The following C6orf163 variants were observed in gnomAD, a reference collection of about 807,000 sequenced individuals.
C6orf163 encodes the protein chromosome 6 open reading frame 163.
Under a neutral mutation model 28.4 loss-of-function variants are expected in C6orf163, and 22 were observed. The ratio of observed to expected loss-of-function variants is 0.78; its 90% CI spans 0.55 to 1.11. C6orf163 has a LOEUF of 1.11. Among genes scored for constraint, C6orf163 ranks in the 50% least tolerant of loss-of-function variants. C6orf163 has a pLI of 0.00. For missense variants in C6orf163, 342 were observed against 389.1 expected, an observed-to-expected ratio of 0.88 and a Z score of 1.02; for synonymous variants, 110 against 123.6, an observed-to-expected ratio of 0.89 and a Z score of 0.73.
At chr6:87,361,922 T>C (rs1777585983) in intron 4 of C6orf163, among the ~76,000 whole-genome samples, 1 of 152,318 alleles carries the variant, frequency 6.6e-6, no homozygotes, top group African/African-American at 2.4e-5. Context: ...AAGGATATTA[T>C]GAAATGATAC....
At chr6:87,356,529 T>G (rs1350236417) in intron 4 of C6orf163, 26 bp downstream of exon 4, 1 of 1,544,760 alleles carries the variant, frequency 6.5e-7, no homozygotes, top group Non-Finnish European at 8.8e-7. Context: ...CATTTACAAA[T>G]TAGTAACTTC....
rs182096924 is a variant in C6orf163 at position 87,364,302 on chromosome 6, A to C, written c.555-659A>C. On this transcript the variant is annotated intron_variant, in intron 4 of 4. Coordinates refer to ENST00000388923, the MANE Select transcript of C6orf163 (RefSeq NM_001010868.3). ...TGTCTCAAAAAAAAAGTTAAATTATACCATTCTTCTCATGAAATATTTCAT... is the reference window on the plus strand; with the variant it reads ...TGTCTCAAAAAAAAAGTTAAATTATCCCATTCTTCTCATGAAATATTTCAT... Among the ~76,000 whole-genome samples the C allele has an allele frequency of 1.3e-3, 192 of 152,068 alleles. 3 individuals are homozygous for C. Among genetic ancestry groups the C allele is most frequent in the Admixed American group, 0.013 (191 of 15,260 alleles).
chr6:87,365,436 C>T lies in C6orf163; in HGVS notation c.*40C>T. 7.9e-7 allele frequency: 1 copy of T among 1,259,488 alleles called. No individual in the cohort carries two copies. Among genetic ancestry groups the T allele is most frequent in the African/African-American group, 1.5e-5 (1 of 65,922 alleles). 78.0% of individuals were successfully genotyped at this position (1,259,488 alleles called of 1,614,324 possible). A position where few individuals can be genotyped will look rare whatever the true frequency, so the allele number is the denominator to read the frequency against. On this transcript the variant is annotated 3_prime_UTR_variant, in exon 5 of 5. Coordinates refer to ENST00000388923, the MANE Select transcript of C6orf163 (RefSeq NM_001010868.3). ...AATTCCACTACAAAAGACATCATTC[C>T]AGACTAAATAAATTTACTCAAAAAC... is the stretch of plus-strand genomic sequence containing the variant.
At chr6:87,348,218 C>G in intron 1 of C6orf163, 1 of 984,364 alleles carries the variant, frequency 1.0e-6, no homozygotes, top group Non-Finnish European at 1.2e-6. Context: ...GTCCTCTAGC[C>G]TCTCTAGACT....
At chr6:87,363,065 A>C (rs892992442) in intron 4 of C6orf163, among the ~76,000 whole-genome samples, 4 of 152,212 alleles carry the variant, frequency 2.6e-5, no homozygotes, top group African/African-American at 9.6e-5. Context: ...CTTCTTCATA[A>C]AAAGAGCACA....
chr6:87,352,456 A>G (rs2127931886), intron 3 of C6orf163, among the ~76,000 whole-genome samples: 1 of 152,344 alleles, frequency 6.6e-6, no homozygotes, highest in East Asian at 1.9e-4. Context: ...TGATGTGTCA[A>G]GACCACCAGG....
chr6:87,348,362 A>G, intron 1 of C6orf163: 1 of 987,278 alleles, frequency 1.0e-6, no homozygotes, highest in Non-Finnish European at 1.2e-6. Flanking sequence ...TTAAACCCAC[A>G]AAGAACCACA....
chr6:87,356,574 T>C, intron 4 of C6orf163, 71 bp downstream of exon 4: 10 of 1,394,622 alleles, frequency 7.2e-6, no homozygotes, highest in Non-Finnish European at 9.9e-6. Context: ...ACAGATAAGG[T>C]TACAGTACAT....
intron 3 of C6orf163, among the ~76,000 whole-genome samples, chr6:87,352,136 C>G (rs941601361): frequency 1.3e-5 from 2 of 152,150 alleles, no homozygotes; most frequent in African/African-American, 2.4e-5. Flanking sequence ...TGAGAATTTA[C>G]ATTTATACCA....
At chr6:87,357,749 C>A (rs1485221511) in intron 4 of C6orf163, 1 of 151,168 alleles carries the variant, frequency 6.6e-6, no homozygotes, top group East Asian at 1.9e-4. Flanking sequence ...CCTCTGGGTC[C>A]CCTCCTCACA....
In C6orf163 at chr6:87,356,324, A is replaced by G. The variant is rs777839651; in HGVS notation, c.375A>G (p.Thr125=). ...DLQEVTAKTK[T]EMYQNMDDEM... Reference sequence around the variant, plus strand: ...AGGAAGTGACAGCTAAAACTAAGACAGAGATGTATCAAAACATGGATGACG... The same window carrying G: ...AGGAAGTGACAGCTAAAACTAAGACGGAGATGTATCAAAACATGGATGACG... The change falls in exon 4 of 5, where the codon ACA becomes ACG. Residue 125 remains threonine, a synonymous_variant. Transcript: ENST00000388923. The G allele has an allele frequency of 7.7e-6, 12 of 1,551,526 alleles. No individual in the cohort carries two copies. The highest frequency in any genetic ancestry group is 1.0e-5 in the Non-Finnish European group (12 of 1,146,902).
intron 4 of C6orf163, chr6:87,357,197 G>C (rs1777516088): frequency 6.6e-6 from 1 of 152,120 alleles, no homozygotes; most frequent in Non-Finnish European, 1.5e-5. Context: ...TATATTTTAA[G>C]AAAACCACGG....
chr6:87,348,601 C>T, intron 1 of C6orf163: 1 of 1,328,866 alleles, frequency 7.5e-7, no homozygotes, highest in East Asian at 3.1e-5. Flanking sequence ...AGGGGAATGA[C>T]CAACTCTATC....
intron 2 of C6orf163, among the ~76,000 whole-genome samples, chr6:87,349,430 C>T (rs765672997): frequency 1.3e-5 from 2 of 152,116 alleles, no homozygotes; most frequent in Non-Finnish European, 2.9e-5. Context: ...CTTGATACCT[C>T]GTCGATATGA....
intron 2 of C6orf163, among the ~76,000 whole-genome samples, chr6:87,349,823 A>G (rs1374722615): frequency 6.6e-6 from 1 of 152,222 alleles, no homozygotes; most frequent in Non-Finnish European, 1.5e-5. Flanking sequence ...GGTAAAATTC[A>G]AACTGATTGT....
At chr6:87,364,055 G>A (rs909344071) in intron 4 of C6orf163, among the ~76,000 whole-genome samples, 1 of 152,132 alleles carries the variant, frequency 6.6e-6, no homozygotes, top group South Asian at 2.1e-4. Context: ...AGGCCAGGGC[G>A]GGTGGATCAC....
rs1582113400 is a variant in C6orf163, at chr6:87,365,192, G to C, written c.786G>C (p.Leu262=). ...DKLANTQGEL[L]SIAKQLGIMT... is the part of the protein sequence containing the mutation. ...TGGCTAACACCCAGGGGGAGCTGCT[G>C]TCTATAGCAAAACAACTGGGAATCA... The change falls in exon 5 of 5, where the codon CTG becomes CTC. Residue 262 remains leucine (L), a synonymous_variant. Coordinates refer to ENST00000388923, the MANE Select transcript of C6orf163 (RefSeq NM_001010868.3). 2 of 1,551,666 alleles carry C rather than the reference G, an allele frequency of 1.3e-6. No individual in the cohort carries two copies. The highest frequency in any genetic ancestry group is 2.7e-5 in the African/African-American group (2 of 73,046).
rs1199976730 is a variant in C6orf163, at chr6:87,356,319, AAGAC to A, written c.374_377del (p.Thr125ArgfsTer10). 2 of 1,551,752 alleles carry A rather than the reference AAGAC, an allele frequency of 1.3e-6. No individual in the cohort carries two copies. The highest frequency in any genetic ancestry group is 1.4e-5 in the African/African-American group (1 of 73,186). ...GCTTCAGGAAGTGACAGCTAAAACT[AAGAC>A]AGAGATGTATCAAAACATGGATGAC... On this transcript the variant is annotated frameshift_variant, in exon 4 of 5. Transcript: ENST00000388923. LOFTEE classifies it high-confidence loss of function.
At chr6:87,348,128 C>T (rs1777356086) in intron 1 of C6orf163, 1 of 894,728 alleles carries the variant, frequency 1.1e-6, no homozygotes, top group East Asian at 1.2e-4. Flanking sequence ...GCACTGCAGG[C>T]TGGGCTACAA....
Sources: allele counts gnomAD v4.1 joint callset (sites outside exome capture counted in the v4.1 genomes callset), GRCh38; gene constraint gnomAD v4.1.1; transcripts MANE v1.5; gene names NCBI Gene and HGNC (gene_info 2026-07-23, HGNC 2026-07-21).